The following SERPINB4 variants were observed in gnomAD, a reference collection of about 807,000 sequenced individuals.
SERPINB4 encodes serpin B4.
SERPINB4 carries 39 observed loss-of-function variants against 33.2 expected under a neutral mutation model. That is an observed-to-expected ratio of 1.18 (90% CI 0.91 to 1.53). The LOEUF (loss-of-function observed/expected upper bound fraction) is 1.53, where lower values mean the gene tolerates loss of function less well. SERPINB4 is among the 40% of genes most tolerant of loss of function. SERPINB4 has a pLI of 0.00. For synonymous variants in SERPINB4, 191 were observed against 166.4 expected, an observed-to-expected ratio of 1.15 and a Z score of -1.14; for missense variants, 564 against 455.4, an observed-to-expected ratio of 1.24 and a Z score of -2.17.
chr18:63,639,649 T>G lies in SERPINB4; in HGVS notation c.597A>C (p.Lys199Asn), dbSNP rs763178444. Reference sequence around the variant, plus strand: ...TAGACAATACCTTGTTTGGCCAAAATTTTTCCTCTTTAGTGTTTTCTTTTT... The same window carrying G: ...TAGACAATACCTTGTTTGGCCAAAAGTTTTCCTCTTTAGTGTTTTCTTTTT... ...KFKKENTKEE[K>N]FWPNKNTYKS... is the part of the protein sequence containing the mutation. The change falls in exon 6 of 8, where the codon AAA becomes AAC. Residue 199 changes from lysine to asparagine, a missense_variant. By Grantham distance (94) the Lys-to-Asn change is moderately conservative. Transcript: ENST00000341074. The G allele has an allele frequency of 6.2e-7, 1 of 1,604,552 alleles. No homozygotes were observed. Among genetic ancestry groups the G allele is most frequent in the East Asian group, 2.2e-5 (1 of 44,704 alleles).
rs551228316 is a variant in SERPINB4 at position 63,641,866 on chromosome 18, T to C, written c.245A>G (p.His82Arg). 10 of 1,613,328 alleles carry C rather than the reference T, an allele frequency of 6.2e-6. No individual in the cohort carries two copies. The East Asian group carries it at 2.0e-4, about 32-fold the overall frequency. ...AGTCAGAAGCTTTTGAAACTGGTGA[T>C]GAACATTTCCTGACCTATCAACCTT... is the stretch of plus-strand genomic sequence containing the variant. ...TYHVDRSGNV[H>R]HQFQKLLTEF... Residue 82 changes from histidine (H) to arginine (R), a missense_variant, in exon 4 of 8, where the codon CAT (histidine) becomes CGT (arginine). By Grantham distance (29) the His-to-Arg change is conservative. Coordinates refer to ENST00000341074, the MANE Select transcript of SERPINB4 (RefSeq NM_002974.4).
chr18:63,638,443 A>G (rs1451670525), intron 7 of SERPINB4, among the ~76,000 whole-genome samples: 1 of 152,170 alleles, frequency 6.6e-6, no homozygotes, highest in Non-Finnish European at 1.5e-5. Context: ...TACACAATGA[A>G]CTGTATGTAT....
At position 63,639,310 on chromosome 18, in the gene SERPINB4, G is replaced by T. The variant is rs1275478057; in HGVS notation, c.643C>A (p.Gln215Lys). 12 of 1,612,038 alleles carry T rather than the reference G, an allele frequency of 7.4e-6. No homozygotes were observed. The highest frequency in any genetic ancestry group is 1.6e-4 in the Middle Eastern group (1 of 6,066). ...AAGGCAAAATTAAAGGAATTGTATT[G>T]CCTCATCATCTGTACAGATTTGTAT... ...NTYKSVQMMR[Q>K]YNSFNFALLE... is the part of the protein sequence containing the mutation. Residue 215 changes from glutamine to lysine, a missense_variant, in exon 7 of 8, where the codon CAA (glutamine) becomes AAA (lysine). Transcript: ENST00000341074.
rs1042445602 is a variant in SERPINB4 at position 63,641,777 on chromosome 18, T to C, written c.334A>G (p.Thr112Ala). 5.0e-6 allele frequency: 8 copies of C among 1,613,274 alleles called. No homozygotes were observed. The African/African-American group carries it at 8.0e-5, about 16-fold the overall frequency. The change falls in exon 4 of 8, where the codon ACG becomes GCG. Residue 112 changes from threonine (T) to alanine (A), a missense_variant. Thr to Ala is a moderately conservative substitution (Grantham distance 58, BLOSUM62 0). Transcript: ENST00000341074. ...KIANKLFGEK[T>A]YQFLQEYLDA... Reference sequence around the variant, plus strand: ...GAAATTACCTGTAAAAATTGATACGTCTTTTCTCCGAAGAGCTTGTTGGCG... The same window carrying C: ...GAAATTACCTGTAAAAATTGATACGCCTTTTCTCCGAAGAGCTTGTTGGCG...
At position 63,639,571 on chromosome 18, in the gene SERPINB4, C is replaced by T. The variant is rs528425914; in HGVS notation, c.612+63G>A. 3.7e-4 allele frequency: 433 copies of T among 1,185,380 alleles called. 2 individuals are homozygous for T. The African/African-American group carries it at 5.9e-3, about 16-fold the overall frequency. 73.4% of individuals were successfully genotyped at this position (1,185,380 alleles called of 1,614,324 possible). ...TTTTACTTATCATGTTACATTCCAT[C>T]AGAAATGTTTAACATTCCATGTATT... On this transcript the variant is annotated intron_variant, in intron 6 of 7. Transcript: ENST00000341074.
chr18:63,642,897 T>C, intron 3 of SERPINB4: 1 of 467,352 alleles, frequency 2.1e-6, no homozygotes, highest in Non-Finnish European at 3.8e-6. Flanking sequence ...ATTCATCATT[T>C]GTGAAGAGCA....
chr18:63,637,470 C>A lies in SERPINB4; in HGVS notation c.*249G>T, dbSNP rs553587207. On this transcript the variant is annotated 3_prime_UTR_variant, in exon 8 of 8. Coordinates refer to ENST00000341074, the MANE Select transcript of SERPINB4 (RefSeq NM_002974.4). ...TTAGAAGACACGGTATTAAATGATTCATCTTATCTTGGACATTTTTCCTCA... is the reference window on the plus strand; with the variant it reads ...TTAGAAGACACGGTATTAAATGATTAATCTTATCTTGGACATTTTTCCTCA... 1.0e-5 allele frequency: 4 copies of A among 399,212 alleles called. No individual in the cohort carries two copies. Among genetic ancestry groups the A allele is most frequent in the Admixed American group, 8.1e-5 (2 of 24,598 alleles). 24.7% of individuals were successfully genotyped at this position (399,212 alleles called of 1,614,324 possible).
In SERPINB4 at chr18:63,641,061, A is replaced by T. The variant is rs7234633; in HGVS notation, c.352-70T>A. 15,334 of 1,304,962 alleles carry T rather than the reference A, an allele frequency of 0.012. 1,083 individuals carry two copies. The African/African-American group carries it at 0.17, about 15-fold the overall frequency. 80.8% of individuals were successfully genotyped at this position (1,304,962 alleles called of 1,614,324 possible). A position where few individuals can be genotyped will look rare whatever the true frequency, so the allele number is the denominator to read the frequency against. On this transcript the variant is annotated intron_variant, in intron 4 of 7. Coordinates refer to ENST00000341074, the MANE Select transcript of SERPINB4 (RefSeq NM_002974.4). ...TAACTATATATTACCAAACTTACTT[A>T]TTTGTAACAACAGTAAGCTGAATCC...
rs1168308906 is a variant in SERPINB4, at chr18:63,637,825, G to A, written c.1067C>T (p.Ser356Phe). Residue 356 changes from serine (S) to phenylalanine (F), a missense_variant, in exon 8 of 8, where the codon TCT (serine) becomes TTT (phenylalanine). Coordinates refer to ENST00000341074, the MANE Select transcript of SERPINB4 (RefSeq NM_002974.4). ...ATAVVVVELS[S>F]PSTNEEFCCN... The stretch of plus-strand genomic sequence containing the variant: ...ACAGAACTCTTCATTAGTTGAAGGA[G>A]ATGATAATTCGACTACTACTACAGC... 1 of 1,613,564 alleles carries A rather than the reference G, an allele frequency of 6.2e-7. No individual in the cohort carries two copies. Among genetic ancestry groups the A allele is most frequent in the East Asian group, 2.2e-5 (1 of 44,858 alleles).
chr18:63,639,633 C>T lies in SERPINB4; in HGVS notation c.612+1G>A. Reference sequence around the variant, plus strand: ...CTATATAAATAAAATATAGACAATACCTTGTTTGGCCAAAATTTTTCCTCT... The same window carrying T: ...CTATATAAATAAAATATAGACAATATCTTGTTTGGCCAAAATTTTTCCTCT... On this transcript the variant is annotated splice_donor_variant, in intron 6 of 7. Coordinates refer to ENST00000341074, the MANE Select transcript of SERPINB4 (RefSeq NM_002974.4). LOFTEE classifies it high-confidence loss of function. 6.4e-7 allele frequency: 1 copy of T among 1,571,914 alleles called. No homozygotes were observed. Among genetic ancestry groups the T allele is most frequent in the Non-Finnish European group, 8.7e-7 (1 of 1,143,548 alleles).
chr18:63,643,144 A>C lies in SERPINB4; in HGVS notation c.222+17T>G, dbSNP rs1397151133. 2 of 1,613,058 alleles carry C rather than the reference A, an allele frequency of 1.2e-6. No homozygotes were observed. The highest frequency in any genetic ancestry group is 1.7e-5 in the Admixed American group (1 of 59,864). On this transcript the variant is annotated intron_variant, in intron 3 of 7. Coordinates refer to ENST00000341074, the MANE Select transcript of SERPINB4 (RefSeq NM_002974.4). ...GTTCAGGGATCTAAAGCTGAACCAT[A>C]GTGCTCTGTGACTCACATGATATGT...
chr18:63,641,413 C>A (rs1174574863), intron 4 of SERPINB4, among the ~76,000 whole-genome samples: 4 of 152,066 alleles, frequency 2.6e-5, no homozygotes, highest in Admixed American at 2.0e-4. Flanking sequence ...CCTGCCCATT[C>A]CAATAATATC....
At position 63,639,775 on chromosome 18, in the gene SERPINB4, T is replaced by G. The variant is rs773053292; in HGVS notation, c.471A>C (p.Glu157Asp). 6.2e-7 allele frequency: 1 copy of G among 1,607,708 alleles called. No individual in the cohort carries two copies. Among genetic ancestry groups the G allele is most frequent in the South Asian group, 1.1e-5 (1 of 89,808 alleles). The change falls in exon 6 of 8, where the codon GAA (glutamate) becomes GAC (aspartate). Residue 157 changes from glutamate (E) to aspartate (D), a missense_variant and splice_region_variant. By Grantham distance (45) the Glu-to-Asp change is conservative (BLOSUM62 2). Transcript: ENST00000341074. Reference protein sequence around the residue: ...INSWVESQTNEKIKNLFPDGT... With the variant: ...INSWVESQTNDKIKNLFPDGT... ...CATCAGGAAATAGGTTTTTAATTTT[T>G]TCTGCAAGGGAAAGAATAAAAGAGT...
rs1372358278 is a variant in SERPINB4, at chr18:63,641,923, T to A, written c.223-35A>T. ...TCAAAAAGGGAGATCATTCAATTGC[T>A]GTATCAATGTAAATACTAAACCCAT... On this transcript the variant is annotated intron_variant, in intron 3 of 7. Coordinates refer to ENST00000341074, the MANE Select transcript of SERPINB4 (RefSeq NM_002974.4). The A allele has an allele frequency of 1.9e-6, 3 of 1,610,780 alleles. No homozygotes were observed. The Admixed American group carries it at 5.0e-5, about 27-fold the overall frequency.
chr18:63,639,053 GTCA>G, intron 7 of SERPINB4, 129 bp downstream of exon 7: 1 of 1,056,852 alleles, frequency 9.5e-7, no homozygotes. Flanking sequence ...ATGAAGGTGA[GTCA>G]TCATTCCTCA....
In SERPINB4 at chr18:63,637,680, G is replaced by A. The variant is rs769294961; in HGVS notation, c.*39C>T. The A allele has an allele frequency of 6.4e-7, 1 of 1,555,630 alleles. No individual in the cohort carries two copies. The highest frequency in any genetic ancestry group is 8.7e-7 in the Non-Finnish European group (1 of 1,150,908). On this transcript the variant is annotated 3_prime_UTR_variant, in exon 8 of 8. Coordinates refer to ENST00000341074, the MANE Select transcript of SERPINB4 (RefSeq NM_002974.4). ...CAATCAGTTTACCAGAACACCTCTA[G>A]GTGAACATTTTCTAAATGGAGTGAC...
intron 7 of SERPINB4, among the ~76,000 whole-genome samples, chr18:63,638,531 T>G (rs1913016155): frequency 6.6e-6 from 1 of 152,022 alleles, no homozygotes; most frequent in African/African-American, 2.4e-5. Context: ...ATACATTATT[T>G]AGTACACATT....
chr18:63,639,373 C>A (rs563972733), intron 6 of SERPINB4, 33 bp from the exon 7 acceptor site: 1 of 1,569,042 alleles, frequency 6.4e-7, no homozygotes, highest in Non-Finnish European at 8.7e-7. Flanking sequence ...ACAAATAACA[C>A]GTGAAACACA....
Position 63,637,528 on chromosome 18 carries a change from AT to A in SERPINB4, c.*190del. 1.8e-6 allele frequency: 1 copy of A among 555,622 alleles called. No homozygotes were observed. Among genetic ancestry groups the A allele is most frequent in the Non-Finnish European group, 3.0e-6 (1 of 336,822 alleles). The allele number at this position is 555,622 out of a possible 1,614,324, so 34.4% of individuals were successfully genotyped here. A position where few individuals can be genotyped will look rare whatever the true frequency, so the allele number is the denominator to read the frequency against. On this transcript the variant is annotated 3_prime_UTR_variant, in exon 8 of 8. Transcript: ENST00000341074. ...TTTTTCTGGAAGGAAAAGTACATTT[AT>A]ATGTGGGCTTATTAAGAGAAAGAGA...
Sources: allele counts gnomAD v4.1 joint callset (sites outside exome capture counted in the v4.1 genomes callset), GRCh38; gene constraint gnomAD v4.1.1; transcripts MANE v1.5; gene names NCBI Gene and HGNC (gene_info 2026-07-23, HGNC 2026-07-21).